RPS20: variants seen among roughly 807,000 people sequenced by gnomAD.
RPS20 encodes ribosomal protein S20.
In RPS20, 3 loss-of-function variants were observed where a neutral mutation model predicts 15.3. The observed-to-expected ratio is 0.20, with a 90% CI of 0.09 to 0.51. The LOEUF (loss-of-function observed/expected upper bound fraction) is 0.51, where lower values mean the gene tolerates loss of function less well. Among genes scored for constraint, RPS20 ranks in the 20% least tolerant of loss-of-function variants. The probability of loss-of-function intolerance (pLI) is 0.96; values close to 1 mark genes in which losing one functional copy is unlikely to be tolerated. For synonymous variants in RPS20, 62 were observed against 47.8 expected, an observed-to-expected ratio of 1.30 and a Z score of -1.23; for missense variants, 67 against 145.9, an observed-to-expected ratio of 0.46 and a Z score of 2.79.
intron 2 of RPS20, 79 bp from the exon 3 acceptor site, chr8:56,073,847 A>G (rs2129213303): frequency 7.5e-7 from 1 of 1,336,282 alleles, no homozygotes; most frequent in Non-Finnish European, 1.1e-6. Context: ...CTGGCTCAGA[A>G]TAGCGTATAA....
rs764545942 is a variant in RPS20, at chr8:56,074,504, A to G, written c.-121T>C. The G allele has an allele frequency of 9.1e-7, 1 of 1,097,902 alleles. No homozygotes were observed. The highest frequency in any genetic ancestry group is 1.4e-5 in the South Asian group (1 of 69,734). The allele number at this position is 1,097,902 out of a possible 1,614,324, so 68.0% of individuals were successfully genotyped here. On this transcript the variant is annotated 5_prime_UTR_variant, in exon 1 of 4. Transcript: ENST00000009589. ...CCCTTACGACCGCGTCTTCCTCAAA[A>G]AGAAAGGGGTGGGACTTGAGCAACG... is the stretch of plus-strand genomic sequence containing the variant.
At chr8:56,074,240 C>T in intron 1 of RPS20, 81 bp from the exon 2 acceptor site, 1 of 1,526,140 alleles carries the variant, frequency 6.6e-7, no homozygotes, top group Non-Finnish European at 9.0e-7. Context: ...CGGAAGCTTC[C>T]CGCGTTTCCC....
At chr8:56,071,246 G>C (rs1809746625), downstream of RPS20, among the ~76,000 whole-genome samples, 1 of 152,090 alleles carries the variant, frequency 6.6e-6, no homozygotes, top group Admixed American at 6.6e-5. Flanking sequence ...CTGGACTTTA[G>C]TGACATTTTT....
At chr8:56,069,518 T>G (rs1398204333), downstream of RPS20, among the ~76,000 whole-genome samples, 1 of 152,116 alleles carries the variant, frequency 6.6e-6, no homozygotes, top group Non-Finnish European at 1.5e-5. Context: ...AGGCTGGTCT[T>G]GAACTCCTGA....
downstream of RPS20, among the ~76,000 whole-genome samples, chr8:56,072,410 G>T (rs1360153329): frequency 3.3e-5 from 5 of 151,522 alleles, no homozygotes; most frequent in Non-Finnish European, 7.4e-5. Flanking sequence ...AAATTAACCA[G>T]GCTTGGTCGC....
At chr8:56,070,962 T>C (rs1385890898), downstream of RPS20, among the ~76,000 whole-genome samples, 2 of 152,240 alleles carry the variant, frequency 1.3e-5, no homozygotes, top group Admixed American at 1.3e-4. Flanking sequence ...CACTATTTAA[T>C]CTATCCTGAA....
At chr8:56,074,021 C>T (rs2129213375) in intron 2 of RPS20, 39 bp downstream of exon 2, 1 of 1,511,018 alleles carries the variant, frequency 6.6e-7, no homozygotes, top group Non-Finnish European at 9.2e-7. Context: ...TCGCTTTTCG[C>T]CCAATTCCCC....
At chr8:56,072,892 T>C (rs186774516), downstream of RPS20, 404 of 1,327,988 alleles carry the variant, frequency 3.0e-4, 3 homozygotes, top group African/African-American at 5.3e-3. Context: ...TCTCACATAT[T>C]ATGTAGTTAA....
At chr8:56,070,572 CAAAA>C (rs139678309), downstream of RPS20, among the ~76,000 whole-genome samples, 1,986 of 151,892 alleles carry the variant, frequency 0.013, 37 homozygotes, top group Middle Eastern at 0.044. Flanking sequence ...CCCATCTCCA[CAAAA>C]AAAGCCAGGC....
chr8:56,068,519 CAG>C (rs1477283050), downstream of RPS20: 1 of 115,228 alleles, frequency 8.7e-6, no homozygotes, highest in Admixed American at 1.1e-4. Context: ...GCCTGGGTGA[CAG>C]AGAAAGACTC....
chr8:56,072,672 G>A (rs1809798804), downstream of RPS20: 1 of 148,584 alleles, frequency 6.7e-6, no homozygotes, highest in African/African-American at 3.1e-5. Context: ...TCCTGCCTCT[G>A]CCACTTAATC....
exon 6 of RPS20, chr8:56,067,808 T>C (rs1480584604): frequency 6.6e-6 from 1 of 151,990 alleles, no homozygotes; most frequent in Non-Finnish European, 1.5e-5. Context: ...TCACATGAAG[T>C]ATCAAGTAAT....
At chr8:56,073,471 C>T (rs1585723038) in intron 3 of RPS20, 199 bp from the exon 4 acceptor site, 1 of 632,956 alleles carries the variant, frequency 1.6e-6, no homozygotes, top group Non-Finnish European at 2.8e-6. Flanking sequence ...TTAGAGCTTG[C>T]GCCTGTTAAG....
At chr8:56,069,559 A>G (rs776737957), downstream of RPS20, 60 of 626,998 alleles carry the variant, frequency 9.6e-5, no homozygotes, top group Non-Finnish European at 1.7e-4. Flanking sequence ...TTGGCCTCCC[A>G]AAGTGCTGAG....
chr8:56,073,968 C>G (rs561746780), intron 2 of RPS20, 92 bp downstream of exon 2: 2 of 1,202,876 alleles, frequency 1.7e-6, no homozygotes, highest in Non-Finnish European at 2.5e-6. Context: ...CACTTTAGTT[C>G]TTGCAGTCCA....
At chr8:56,067,383 T>G (rs1809639798) in exon 6 of RPS20, 1 of 152,068 alleles carries the variant, frequency 6.6e-6, no homozygotes, top group African/African-American at 2.4e-5. Context: ...TTATTCAGCC[T>G]TAAAAAAGAA....
intron 2 of RPS20, 47 bp downstream of exon 2, chr8:56,074,013 G>T: frequency 6.9e-7 from 1 of 1,439,176 alleles, no homozygotes; most frequent in Non-Finnish European, 9.8e-7. Flanking sequence ...AAAGCTCGTC[G>T]CTTTTCGCCC....
At chr8:56,072,403 T>TGG (rs1243203893), downstream of RPS20, among the ~76,000 whole-genome samples, 1 of 151,312 alleles carries the variant, frequency 6.6e-6, no homozygotes, top group Admixed American at 6.6e-5. Context: ...AAATAAAAAA[T>TGG]TAACCAGGCT....
At chr8:56,073,472 G>C (rs576067268) in intron 3 of RPS20, 200 bp from the exon 4 acceptor site, 5 of 631,874 alleles carry the variant, frequency 7.9e-6, no homozygotes, top group Non-Finnish European at 1.1e-5. Flanking sequence ...TAGAGCTTGC[G>C]CCTGTTAAGC....
Sources: gnomAD v4.1 joint callset for allele counts (sites outside exome capture counted in the v4.1 genomes callset) on GRCh38, gnomAD v4.1.1 for gene constraint, MANE v1.5 for transcripts, NCBI Gene and HGNC (gene_info 2026-07-23, HGNC 2026-07-21) for gene names.